The following DOCK1 variants were observed in gnomAD, a reference collection of about 807,000 sequenced individuals.
DOCK1 encodes the protein dedicator of cytokinesis protein 1.
A neutral mutation model predicts 262.7 loss-of-function variants in DOCK1; 138 were observed. The ratio of observed to expected loss-of-function variants is 0.53; its 90% CI spans 0.46 to 0.61. DOCK1 has a LOEUF of 0.61. DOCK1 is among the 20% of genes least tolerant of loss of function. DOCK1 has a pLI of 0.00. For synonymous variants in DOCK1, 866 were observed against 867.4 expected, an observed-to-expected ratio of 1.00 and a Z score of 0.03; for missense variants, 1,908 against 2,370.7, an observed-to-expected ratio of 0.80 and a Z score of 4.05.
At chr10:127,308,669 A>G (rs1463031144) in intron 29 of DOCK1, among the ~76,000 whole-genome samples, 1 of 152,074 alleles carries the variant, frequency 6.6e-6, no homozygotes, top group Admixed American at 6.5e-5. Flanking sequence ...CCCACTTATG[A>G]GTGAGAACAT....
In DOCK1 at chr10:127,231,968, A is replaced by G. The variant is rs2058858516; in HGVS notation, c.2848-16040A>G. 5.9e-5 allele frequency among the ~76,000 whole-genome samples: 9 copies of G among 152,298 alleles called. No individual in the cohort carries two copies. The South Asian group carries it at 1.9e-3, about 32-fold the overall frequency. ...CAACAAGCAAAACCAAGGTCCCTGC[A>G]CACATGGAGTTCATATTCTAGTGAG... On this transcript the variant is annotated intron_variant, in intron 27 of 51. Transcript: ENST00000623213.
intron 29 of DOCK1, among the ~76,000 whole-genome samples, chr10:127,284,614 C>T (rs1388610227): frequency 6.6e-6 from 1 of 152,154 alleles, no homozygotes. Flanking sequence ...TGGCCAAGCA[C>T]AGTGGCTCAT....
At chr10:127,041,005 G>A (rs544936725) in intron 19 of DOCK1, among the ~76,000 whole-genome samples, 3 of 152,022 alleles carry the variant, frequency 2.0e-5, no homozygotes, top group Non-Finnish European at 2.9e-5. Context: ...TGAATCATAC[G>A]CCCTGTGGCC....
intron 27 of DOCK1, among the ~76,000 whole-genome samples, chr10:127,198,213 T>G (rs1396036265): frequency 6.6e-6 from 1 of 152,186 alleles, no homozygotes; most frequent in Non-Finnish European, 1.5e-5. Context: ...TTGGGGACGT[T>G]TAAAACCAGA....
At chr10:126,905,866 C>T (rs2030671329) in intron 1 of DOCK1, among the ~76,000 whole-genome samples, 1 of 152,044 alleles carries the variant, frequency 6.6e-6, no homozygotes, top group Admixed American at 6.5e-5. Context: ...TGGACCTCTG[C>T]CGTGGAGCCC....
intron 46 of DOCK1, among the ~76,000 whole-genome samples, chr10:127,422,186 G>C (rs1421757799): frequency 5.5e-4 from 1 of 1,828 alleles, no homozygotes; most frequent in Non-Finnish European, 1.3e-3. Context: ...TTTTTTTTTT[G>C]AGATGGAGTC....
At chr10:127,372,922 C>G (rs554640732) in intron 33 of DOCK1, among the ~76,000 whole-genome samples, 1 of 152,180 alleles carries the variant, frequency 6.6e-6, no homozygotes, top group Admixed American at 6.5e-5. Context: ...AACCTCAGGG[C>G]CCCCTGCAGC....
In DOCK1 at chr10:127,241,218, C is replaced by T. The variant is rs958790358; in HGVS notation, c.2848-6790C>T. Among the ~76,000 whole-genome samples the T allele has an allele frequency of 1.6e-4, 25 of 152,160 alleles. 1 individual carries two copies. On this transcript the variant is annotated intron_variant, in intron 27 of 51. Coordinates refer to ENST00000623213, the MANE Select transcript of DOCK1 (RefSeq NM_001290223.2). ...CCTCTAGTCCCAGCTACTCCGGAGG[C>T]TGAGGCAGGAGAATCACTTGAACCC...
At chr10:127,378,318 G>T (rs936144643) in intron 35 of DOCK1, among the ~76,000 whole-genome samples, 1 of 152,196 alleles carries the variant, frequency 6.6e-6, no homozygotes, top group Non-Finnish European at 1.5e-5. Context: ...TCAATGCCTA[G>T]CGGTGGATTG....
chr10:127,301,134 T>TG (rs777074700), intron 29 of DOCK1, among the ~76,000 whole-genome samples: 7 of 152,220 alleles, frequency 4.6e-5, no homozygotes, highest in Non-Finnish European at 1.0e-4. Context: ...GGAGGATTTG[T>TG]GAAGCTTTTT....
At chr10:127,040,894 G>T (rs955528335) in intron 19 of DOCK1, among the ~76,000 whole-genome samples, 3 of 151,982 alleles carry the variant, frequency 2.0e-5, no homozygotes, top group Non-Finnish European at 2.9e-5. Context: ...CATCCCAAAA[G>T]AAACCACATA....
intron 29 of DOCK1, among the ~76,000 whole-genome samples, chr10:127,306,612 G>T (rs149167626): frequency 1.3e-5 from 2 of 152,254 alleles, no homozygotes; most frequent in Admixed American, 6.5e-5. Flanking sequence ...TCACACAGGG[G>T]TTTATCCCCT....
intron 47 of DOCK1, among the ~76,000 whole-genome samples, chr10:127,429,830 G>A (rs372117088): frequency 1.1e-4 from 17 of 149,646 alleles, no homozygotes; most frequent in Non-Finnish European, 2.2e-4. Context: ...CGCCACGTTC[G>A]GCATTGGCCC....
At position 127,437,975 on chromosome 10, in the gene DOCK1, G is replaced by A. The variant is rs1413814468; in HGVS notation, c.5061-1052G>A. Among the ~76,000 whole-genome samples, 1 of 152,216 alleles carries A rather than the reference G, an allele frequency of 6.6e-6. No homozygotes were observed. Among genetic ancestry groups the A allele is most frequent in the Non-Finnish European group, 1.5e-5 (1 of 68,046 alleles). ...AGTCAGGTTTGGAAGTTGCTGTGAG[G>A]CTCAGAGCTCCAAAGAGCAGGCTGT... On this transcript the variant is annotated intron_variant, in intron 48 of 51. Transcript: ENST00000623213. The surrounding 1 kb of genome is among the most constrained non-coding windows in gnomAD (Gnocchi z 4.4).
chr10:127,344,582 C>G (rs1361060460), intron 31 of DOCK1: 1 of 152,214 alleles, frequency 6.6e-6, no homozygotes, highest in African/African-American at 2.4e-5. Context: ...ATGCTGCTAG[C>G]TGAGGTTAGA....
At chr10:127,295,717 T>TG (rs2061484590) in intron 29 of DOCK1, among the ~76,000 whole-genome samples, 1 of 151,564 alleles carries the variant, frequency 6.6e-6, no homozygotes. Context: ...TGGGAGGGTT[T>TG]GGGGCCAAGG....
intron 6 of DOCK1, among the ~76,000 whole-genome samples, chr10:126,992,669 G>T (rs1027181125): frequency 6.6e-6 from 1 of 151,500 alleles, no homozygotes; most frequent in African/African-American, 2.4e-5. Flanking sequence ...TGAAGGTCTT[G>T]GACCATATCT....
At chr10:127,139,159 T>C (rs978040782) in intron 27 of DOCK1, among the ~76,000 whole-genome samples, 25 of 152,338 alleles carry the variant, frequency 1.6e-4, no homozygotes, top group African/African-American at 5.8e-4. Context: ...ATGCATGAGC[T>C]CATAACATTT....
chr10:127,078,085 C>A (rs758090661), intron 23 of DOCK1, among the ~76,000 whole-genome samples: 1 of 151,942 alleles, frequency 6.6e-6, no homozygotes, highest in Non-Finnish European at 1.5e-5. Flanking sequence ...TATTAGAGAT[C>A]CTGAGCTGAC....
Sources: allele counts gnomAD v4.1 joint callset (sites outside exome capture counted in the v4.1 genomes callset), GRCh38; gene constraint gnomAD v4.1.1; non-coding constraint Gnocchi (gnomAD v3.1); transcripts MANE v1.5; gene names NCBI Gene and HGNC (gene_info 2026-07-23, HGNC 2026-07-21).